RANBP2: variants seen among roughly 807,000 people sequenced by gnomAD.
RANBP2 encodes RAN binding protein 2.
A neutral mutation model predicts 303.6 loss-of-function variants in RANBP2; 57 were observed. The observed-to-expected ratio is 0.19, with a 90% CI of 0.15 to 0.23. The LOEUF is 0.23. Ranked by LOEUF, RANBP2 falls within the 10% of genes least tolerant of loss-of-function variation. The pLI is 1.00. For synonymous variants in RANBP2, 1,167 were observed against 1,301.5 expected (o/e 0.90, Z 2.23); for missense variants, 3,138 against 3,780.8 (o/e 0.83, Z 4.46).
chr2:109,356,438 C>T, the RANBP2 span, among the ~76,000 whole-genome samples: 2 of 152,346 alleles, frequency 1.3e-5, no homozygotes, highest in Admixed American at 1.3e-4. Flanking sequence ...ATTCACTAAT[C>T]TCACAGTAGC....
intron 17 of RANBP2, among the ~76,000 whole-genome samples, chr2:108,756,594 C>T (rs993500752): frequency 2.0e-4 from 30 of 152,120 alleles, no homozygotes; most frequent in African/African-American, 6.8e-4. Flanking sequence ...GTAGTCATGG[C>T]CTATGACAAT....
Position 108,766,108 on chromosome 2 carries a change from C to G in RANBP2, c.5569C>G (p.Gln1857Glu). 6.2e-7 allele frequency: 1 copy of G among 1,613,982 alleles called. No homozygotes were observed. The highest frequency in any genetic ancestry group is 8.5e-7 in the Non-Finnish European group (1 of 1,179,986). ...AGCTTCTAAGTTTGGCAATACAGAG[C>G]AAGGATTCAAATTTGGGCATGTGGA... Reference protein sequence around the residue: ...EKASKFGNTEQGFKFGHVDQE... With the variant: ...EKASKFGNTEEGFKFGHVDQE... The change falls in exon 20 of 29, where the codon CAA becomes GAA. Residue 1857 changes from glutamine to glutamate, a missense_variant. By Grantham distance (29) the Gln-to-Glu change is conservative (BLOSUM62 2). Around this residue, in one of 20 missense-constraint regions of RANBP2, gnomAD observed 348 missense variants for 360.4 expected, o/e 0.97. Transcript: ENST00000283195.
the RANBP2 span, among the ~76,000 whole-genome samples, chr2:108,841,996 CAT>C: frequency 6.6e-6 from 1 of 151,912 alleles, no homozygotes; most frequent in Non-Finnish European, 1.5e-5. Flanking sequence ...GATTAGAAGT[CAT>C]AGAAGTTGGA....
the RANBP2 span, chr2:109,419,445 C>A: frequency 7.6e-7 from 1 of 1,309,822 alleles, no homozygotes; most frequent in Non-Finnish European, 1.1e-6. Flanking sequence ...TGGCGAAGCA[C>A]AGGCACCTGT....
the RANBP2 span, among the ~76,000 whole-genome samples, chr2:109,169,524 C>T: frequency 6.6e-6 from 1 of 151,942 alleles, no homozygotes; most frequent in Non-Finnish European, 1.5e-5. Flanking sequence ...GGTCATGGGT[C>T]CATTTTCATT....
chr2:108,764,386 A>G lies in RANBP2; in HGVS notation c.3847A>G (p.Ile1283Val), dbSNP rs1676962634. 4 of 1,613,878 alleles carry G rather than the reference A, an allele frequency of 2.5e-6. No individual in the cohort carries two copies. The South Asian group carries it at 3.3e-5, about 13-fold the overall frequency. The stretch of plus-strand genomic sequence containing the variant: ...GTTGCCAAAACCAGAACAACTTGCT[A>G]TTAGGTTCAAAACTCCTGAGGAAGC... The part of the protein sequence containing the change: ...DELPKPEQLA[I>V]RFKTPEEAAL... Residue 1283 changes from isoleucine (I) to valine (V), a missense_variant, in exon 20 of 29, where the codon ATT (isoleucine) becomes GTT (valine). This residue lies in a region of RANBP2 where 72 missense variants were observed against 119.5 expected (regional missense o/e 0.60). Transcript: ENST00000283195.
At chr2:109,764,649 A>G in the RANBP2 span, among the ~76,000 whole-genome samples, 1 of 148,286 alleles carries the variant, frequency 6.7e-6, no homozygotes, top group Non-Finnish European at 1.5e-5. Context: ...TGGGTGGAGG[A>G]TGGAAAGAGG....
chr2:108,917,601 C>T, the RANBP2 span, among the ~76,000 whole-genome samples: 1 of 152,168 alleles, frequency 6.6e-6, no homozygotes, highest in Non-Finnish European at 1.5e-5. Context: ...GTCCACAATT[C>T]AGTGCCTCTG....
At chr2:109,616,361 T>G in the RANBP2 span, 114,520 of 236,954 alleles carry the variant, frequency 0.48, 29,753 homozygotes, top group African/African-American at 0.73. Context: ...ATGAATGAAT[T>G]AATGAATGAG....
the RANBP2 span, among the ~76,000 whole-genome samples, chr2:108,912,052 G>A: frequency 4.5e-4 from 69 of 152,342 alleles, no homozygotes; most frequent in East Asian, 2.1e-3. Context: ...GCGTTAGCGC[G>A]TGGGAGGCCC....
the RANBP2 span, among the ~76,000 whole-genome samples, chr2:109,638,516 A>G: frequency 1.3e-5 from 2 of 152,144 alleles, no homozygotes; most frequent in Non-Finnish European, 2.9e-5. Flanking sequence ...CCATCTACAA[A>G]AAGATAGCAG....
At chr2:109,221,475 C>T in the RANBP2 span, among the ~76,000 whole-genome samples, 4 of 151,014 alleles carry the variant, frequency 2.6e-5, no homozygotes, top group Non-Finnish European at 4.4e-5. Flanking sequence ...CCCAGCTACT[C>T]GGGAGGCTGA....
At chr2:109,616,038 T>C in the RANBP2 span, 5 of 1,515,694 alleles carry the variant, frequency 3.3e-6, no homozygotes, top group Non-Finnish European at 3.5e-6. Flanking sequence ...GCCCTTCACA[T>C]TGAGACCAAA....
At chr2:109,633,265 C>T in the RANBP2 span, among the ~76,000 whole-genome samples, 1 of 151,876 alleles carries the variant, frequency 6.6e-6, no homozygotes, top group Non-Finnish European at 1.5e-5. Context: ...TGGTGGTGCT[C>T]GCCTGTAGTC....
At chr2:109,113,570 T>C in the RANBP2 span, among the ~76,000 whole-genome samples, 1 of 152,232 alleles carries the variant, frequency 6.6e-6, no homozygotes, top group East Asian at 1.9e-4. Flanking sequence ...TACAATCATG[T>C]CATCTGCAAA....
At chr2:109,653,819 C>T in the RANBP2 span, among the ~76,000 whole-genome samples, 28 of 152,116 alleles carry the variant, frequency 1.8e-4, no homozygotes, top group African/African-American at 6.5e-4. Flanking sequence ...ATCAATCAAA[C>T]AAACAAACTG....
chr2:109,206,517 A>T, the RANBP2 span, among the ~76,000 whole-genome samples: 1 of 126,570 alleles, frequency 7.9e-6, no homozygotes, highest in Non-Finnish European at 1.7e-5. Flanking sequence ...AAAAAAAAAG[A>T]ATTAGAGGAG....
At chr2:109,249,348 C>T in the RANBP2 span, among the ~76,000 whole-genome samples, 101 of 152,274 alleles carry the variant, frequency 6.6e-4, no homozygotes, top group Non-Finnish European at 9.0e-4. Flanking sequence ...AAAAAATCCC[C>T]GAGCAAGTTG....
At chr2:109,233,228 C>T in the RANBP2 span, among the ~76,000 whole-genome samples, 1 of 152,182 alleles carries the variant, frequency 6.6e-6, no homozygotes, top group Admixed American at 6.5e-5. Context: ...TCTTGTCCAG[C>T]ACCCTGGAAG....
Sources: allele counts gnomAD v4.1 joint callset (sites outside exome capture counted in the v4.1 genomes callset), GRCh38; gene constraint gnomAD v4.1.1; regional missense constraint gnomAD v4.1.1; transcripts MANE v1.5; gene names NCBI Gene and HGNC (gene_info 2026-07-23, HGNC 2026-07-21).